Variants in SLC13A1 observed in about 807,000 individuals in gnomAD.
SLC13A1 encodes the protein solute carrier family 13 member 1, also known as Na(+)/sulfate cotransporter.
In SLC13A1, 65 loss-of-function variants were observed where a neutral mutation model predicts 70.0. That is an observed-to-expected ratio of 0.93 (90% CI 0.76 to 1.14). The LOEUF (loss-of-function observed/expected upper bound fraction) is 1.14, where lower values mean the gene tolerates loss of function less well. Ranked by LOEUF, SLC13A1 falls within the 50% of genes most tolerant of loss-of-function variation. The pLI, the probability that SLC13A1 is intolerant of heterozygous loss-of-function variation, is 0.00. For synonymous variants in SLC13A1, 275 were observed against 250.5 expected, an observed-to-expected ratio of 1.10 and a Z score of -0.92; for missense variants, 726 against 717.8, an observed-to-expected ratio of 1.01 and a Z score of -0.13.
intron 6 of SLC13A1, among the ~76,000 whole-genome samples, chr7:123,151,492 G>A (rs1423793326): frequency 6.6e-6 from 1 of 151,618 alleles, no homozygotes; most frequent in East Asian, 1.9e-4. Context: ...AGTTTGTCAG[G>A]ATCACTTATA....
rs562914222 is a variant in SLC13A1 at position 123,172,837 on chromosome 7, G to A, written c.229-933C>T. ...TGTAATTGATTAGGTTGAGAAAACA[G>A]AATTTTGACATACTAGAACTTTCTC... On this transcript the variant is annotated intron_variant, in intron 2 of 14. Transcript: ENST00000194130. Among the ~76,000 whole-genome samples, 17 of 152,036 alleles carry A rather than the reference G, an allele frequency of 1.1e-4. No individual in the cohort carries two copies. The East Asian group carries it at 3.3e-3, about 29-fold the overall frequency.
At position 123,147,303 on chromosome 7, in the gene SLC13A1, C is replaced by A. The variant is rs755417627; in HGVS notation, c.668G>T (p.Gly223Val). Residue 223 changes from glycine (G) to valine (V), a missense_variant, in exon 7 of 15, where the codon GGC (glycine) becomes GTC (valine). Physicochemically the swap from Gly to Val is moderately radical, Grantham distance 109 (BLOSUM62 -3). Transcript: ENST00000194130. ...SSKVELEKNSGMRTKYRTKKG... is the reference protein window; with the variant it reads ...SSKVELEKNSVMRTKYRTKKG... ...CTTTGTTCGATATTTGGTTCTCATG[C>A]CTGAGTTCTGTTCAACAACAACAAA... is the stretch of plus-strand genomic sequence containing the variant. The A allele has an allele frequency of 1.9e-5, 31 of 1,613,066 alleles. No homozygotes were observed. Among genetic ancestry groups the A allele is most frequent in the African/African-American group, 8.0e-5 (6 of 74,870 alleles).
intron 12 of SLC13A1, among the ~76,000 whole-genome samples, chr7:123,119,805 AT>A (rs1793313382): frequency 6.6e-6 from 1 of 151,780 alleles, no homozygotes; most frequent in Non-Finnish European, 1.5e-5. Context: ...TTGTTTCTTC[AT>A]TCCCCCACAT....
At chr7:123,198,005 A>T (rs891367589) in intron 1 of SLC13A1, among the ~76,000 whole-genome samples, 1 of 152,128 alleles carries the variant, frequency 6.6e-6, no homozygotes, top group African/African-American at 2.4e-5. Context: ...GACTAGTTTA[A>T]TTTCCTACTT....
At chr7:123,181,221 C>A (rs1795629503) in intron 1 of SLC13A1, 120 bp from the exon 2 acceptor site, 6 of 1,023,110 alleles carry the variant, frequency 5.9e-6, no homozygotes, top group Non-Finnish European at 8.2e-6. Flanking sequence ...GATCTGAAGA[C>A]CTCTGCATCT....
At chr7:123,196,645 C>G (rs1796194804) in intron 1 of SLC13A1, among the ~76,000 whole-genome samples, 1 of 152,080 alleles carries the variant, frequency 6.6e-6, no homozygotes, top group African/African-American at 2.4e-5. Context: ...AGCTTCAGTT[C>G]TCATAAGCCT....
chr7:123,150,250 A>G (rs1352934507), intron 6 of SLC13A1, among the ~76,000 whole-genome samples: 1 of 152,130 alleles, frequency 6.6e-6, no homozygotes, highest in Non-Finnish European at 1.5e-5. Flanking sequence ...TTTGCCTCCT[A>G]CTTCACAGAG....
Position 123,119,115 on chromosome 7 carries a change from G to A in SLC13A1, c.1478C>T (p.Thr493Ile), listed in dbSNP as rs1449315563. The change falls in exon 13 of 15, where the codon ACC becomes ATC. Residue 493 changes from threonine (T) to isoleucine (I), a missense_variant. Physicochemically the swap from Thr to Ile is moderately conservative, Grantham distance 89. Transcript: ENST00000194130. ...SLTEVASNPA[T>I]ITLFLPILSP... The stretch of plus-strand genomic sequence containing the variant: ...TAATATTGGGAGAAAGAGTGTAATG[G>A]TAGCTGGATTGCTGGCTACCTCAGT... 5 of 1,612,524 alleles carry A rather than the reference G, an allele frequency of 3.1e-6. No individual in the cohort carries two copies. The highest frequency in any genetic ancestry group is 3.4e-6 in the Non-Finnish European group (4 of 1,179,220).
In SLC13A1 at chr7:123,114,941, A is replaced by G. The variant is rs1185643465; in HGVS notation, c.*577T>C. 1 of 152,138 alleles carries G rather than the reference A, an allele frequency of 6.6e-6. No homozygotes were observed. The highest frequency in any genetic ancestry group is 2.4e-5 in the African/African-American group (1 of 41,430). The allele number at this position is 152,138 out of a possible 1,614,324, so 9.4% of individuals were successfully genotyped here. On this transcript the variant is annotated 3_prime_UTR_variant, in exon 15 of 15. Coordinates refer to ENST00000194130, the MANE Select transcript of SLC13A1 (RefSeq NM_022444.4). ...TTAGTGCTTCAATCTCAATTTTCAT[A>G]TTACATGTATATATTAAGAATAATC...
At chr7:123,124,457 A>G (rs1346266745) in intron 11 of SLC13A1, among the ~76,000 whole-genome samples, 1 of 152,246 alleles carries the variant, frequency 6.6e-6, no homozygotes, top group African/African-American at 2.4e-5. Context: ...GAAATCTGAT[A>G]CATTAGTCAT....
intron 1 of SLC13A1, among the ~76,000 whole-genome samples, chr7:123,191,297 G>A (rs932225228): frequency 1.5e-4 from 23 of 152,116 alleles, no homozygotes; most frequent in East Asian, 1.9e-4. Context: ...CATAGCCAGC[G>A]ATCAATCCAG....
chr7:123,144,480 G>C (rs1001961207), intron 7 of SLC13A1, among the ~76,000 whole-genome samples: 6 of 152,124 alleles, frequency 3.9e-5, no homozygotes, highest in African/African-American at 1.4e-4. Flanking sequence ...CTGAGTCTTA[G>C]GGGGCTAAGT....
intron 6 of SLC13A1, among the ~76,000 whole-genome samples, 185 bp downstream of exon 6, chr7:123,168,189 T>A (rs956075027): frequency 6.6e-6 from 1 of 152,196 alleles, no homozygotes; most frequent in Admixed American, 6.5e-5. Context: ...ATGGTTCCTA[T>A]CCAGATGTTG....
chr7:123,140,998 G>A (rs191097632), intron 7 of SLC13A1, among the ~76,000 whole-genome samples: 49 of 151,742 alleles, frequency 3.2e-4, no homozygotes, highest in Middle Eastern at 3.4e-3. Flanking sequence ...AAGATGCATC[G>A]TTAGGTTATT....
chr7:123,118,128 G>A (rs1056466704), intron 13 of SLC13A1, among the ~76,000 whole-genome samples: 1 of 152,002 alleles, frequency 6.6e-6, no homozygotes, highest in Non-Finnish European at 1.5e-5. Context: ...CAGAGCTCAG[G>A]TAGGTTTTCA....
At chr7:123,161,889 T>C (rs1794919070) in intron 6 of SLC13A1, among the ~76,000 whole-genome samples, 1 of 151,854 alleles carries the variant, frequency 6.6e-6, no homozygotes, top group South Asian at 2.1e-4. Context: ...ATGTTCTAGT[T>C]ATTAAGCTGG....
At chr7:123,143,382 G>T (rs1794228928) in intron 7 of SLC13A1, among the ~76,000 whole-genome samples, 1 of 152,196 alleles carries the variant, frequency 6.6e-6, no homozygotes, top group African/African-American at 2.4e-5. Context: ...CCGCAGTGGT[G>T]AGGGTTGTGG....
chr7:123,128,575 G>A (rs1793644622), intron 10 of SLC13A1, among the ~76,000 whole-genome samples: 1 of 152,012 alleles, frequency 6.6e-6, no homozygotes, highest in Admixed American at 6.6e-5. Flanking sequence ...AATTTTGTAG[G>A]GATGGGAATT....
chr7:123,143,931 C>T (rs548680287), intron 7 of SLC13A1, among the ~76,000 whole-genome samples: 1 of 152,186 alleles, frequency 6.6e-6, no homozygotes, highest in Non-Finnish European at 1.5e-5. Context: ...ACAGGGAAAC[C>T]TATTACAAGA....
Sources: allele counts gnomAD v4.1 joint callset (sites outside exome capture counted in the v4.1 genomes callset), GRCh38; gene constraint gnomAD v4.1.1; transcripts MANE v1.5; gene names NCBI Gene and HGNC (gene_info 2026-07-23, HGNC 2026-07-21).